GABRB3: variants seen among roughly 807,000 people sequenced by gnomAD.
The protein encoded by GABRB3 is gamma-aminobutyric acid receptor subunit beta-3.
Under a neutral mutation model 52.1 loss-of-function variants are expected in GABRB3, and 14 were observed. The observed-to-expected ratio is 0.27, with a 90% CI of 0.18 to 0.42. The LOEUF (loss-of-function observed/expected upper bound fraction) is 0.42. GABRB3 is among the 10% of genes least tolerant of loss of function. GABRB3 has a pLI of 1.00. For synonymous variants in GABRB3, 260 were observed against 232.3 expected (o/e 1.12, Z -1.08); for missense variants, 307 against 609.1 (o/e 0.50, Z 5.22).
chr15:26,731,772 C>A (rs1739942673), intron 3 of GABRB3, among the ~76,000 whole-genome samples: 1 of 152,164 alleles, frequency 6.6e-6, no homozygotes, highest in Non-Finnish European at 1.5e-5. Context: ...GAGTTGTGAA[C>A]ACGAAAAAGC....
intron 3 of GABRB3, among the ~76,000 whole-genome samples, chr15:26,716,208 C>T (rs540014582): frequency 2.2e-4 from 34 of 152,296 alleles, no homozygotes; most frequent in South Asian, 6.2e-4. Context: ...CAGCTCTCAG[C>T]AACTGAATGC....
At chr15:26,671,710 G>A (rs191774151) in intron 3 of GABRB3, among the ~76,000 whole-genome samples, 10 of 152,220 alleles carry the variant, frequency 6.6e-5, no homozygotes, top group Admixed American at 6.5e-4. Flanking sequence ...TCAATTTTAT[G>A]GTTGACATGT....
At chr15:26,752,236 T>A in intron 3 of GABRB3, among the ~76,000 whole-genome samples, 1 of 123,536 alleles carries the variant, frequency 8.1e-6, no homozygotes, top group East Asian at 2.1e-4. Flanking sequence ...TTATTTTATT[T>A]ATTTATTTAT....
chr15:26,747,740 T>C (rs184491660), intron 3 of GABRB3, among the ~76,000 whole-genome samples: 10 of 152,300 alleles, frequency 6.6e-5, no homozygotes, highest in Non-Finnish European at 1.5e-4. Context: ...TAAAATAAGA[T>C]AGGTGAAAGT....
intron 3 of GABRB3, chr15:26,628,902 G>A (rs1892816320): frequency 1.4e-6 from 2 of 1,404,028 alleles, no homozygotes; most frequent in African/African-American, 2.8e-5. Context: ...TCCGAGCTGG[G>A]AGGTGTGGGG....
At chr15:26,554,835 G>C (rs1054847198) in intron 8 of GABRB3, among the ~76,000 whole-genome samples, 3 of 152,188 alleles carry the variant, frequency 2.0e-5, no homozygotes, top group Non-Finnish European at 2.9e-5. Flanking sequence ...CAACTGCTTA[G>C]AGCAGGGAGT....
intron 4 of GABRB3, among the ~76,000 whole-genome samples, chr15:26,592,257 G>T (rs1485246224): frequency 6.6e-6 from 1 of 152,100 alleles, no homozygotes; most frequent in Non-Finnish European, 1.5e-5. Flanking sequence ...CGTAACAAAT[G>T]GATCACCTTA....
intron 3 of GABRB3, among the ~76,000 whole-genome samples, chr15:26,761,403 A>AT (rs1165865571): frequency 1.2e-4 from 18 of 151,986 alleles, no homozygotes; most frequent in Non-Finnish European, 1.5e-4. Context: ...TCAAAAAAAA[A>AT]AATACAATAT....
intron 3 of GABRB3, among the ~76,000 whole-genome samples, chr15:26,719,728 C>G (rs904064290): frequency 6.6e-6 from 1 of 152,158 alleles, no homozygotes; most frequent in African/African-American, 2.4e-5. Context: ...TAAGAATGGT[C>G]AGCTCTGAAT....
intron 6 of GABRB3, among the ~76,000 whole-genome samples, chr15:26,568,203 C>T (rs1022101189): frequency 1.3e-5 from 2 of 152,242 alleles, no homozygotes; most frequent in African/African-American, 4.8e-5. Flanking sequence ...ACTGGGCTAG[C>T]TCAGGGGCAC....
chr15:26,684,363 C>A (rs1888335127), intron 3 of GABRB3, among the ~76,000 whole-genome samples: 1 of 152,106 alleles, frequency 6.6e-6, no homozygotes, highest in Admixed American at 6.5e-5. Context: ...GGCGGTCAAT[C>A]TAGGTGAGGA....
At chr15:26,616,079 C>T in intron 4 of GABRB3, 1 of 1,289,090 alleles carries the variant, frequency 7.8e-7, no homozygotes, top group Non-Finnish European at 1.0e-6. Context: ...CAAAAAGATG[C>T]AATGCATTGT....
intron 3 of GABRB3, among the ~76,000 whole-genome samples, chr15:26,736,659 C>A (rs565757963): frequency 6.6e-6 from 1 of 152,238 alleles, no homozygotes; most frequent in Non-Finnish European, 1.5e-5. Context: ...GGGTGGGGTG[C>A]TGCAGGACAG....
chr15:26,628,693 A>AAAAAC (rs1218736545), intron 3 of GABRB3, among the ~76,000 whole-genome samples: 15 of 144,670 alleles, frequency 1.0e-4, no homozygotes, highest in Admixed American at 2.8e-4. Context: ...AAAAAAACAA[A>AAAAAC]AAAACAAAAC....
intron 3 of GABRB3, among the ~76,000 whole-genome samples, chr15:26,684,456 AATTTCTTTC>A (rs1888337836): frequency 1.3e-5 from 2 of 152,164 alleles, no homozygotes; most frequent in African/African-American, 4.8e-5. Context: ...TAGCATTTGC[AATTTCTTTC>A]AATAATGTTT....
At chr15:26,582,854 T>C (rs2033420) in intron 5 of GABRB3, among the ~76,000 whole-genome samples, 147,126 of 152,298 alleles carry the variant, frequency 0.97, 71,163 homozygotes, top group East Asian at 1. Flanking sequence ...ATGGATGCAG[T>C]TCTCATCTCT....
chr15:26,747,367 G>A (rs1890376356), intron 3 of GABRB3, among the ~76,000 whole-genome samples: 1 of 152,184 alleles, frequency 6.6e-6, no homozygotes, highest in Non-Finnish European at 1.5e-5. Flanking sequence ...AAAACGGGAA[G>A]TTTCTCCATT....
intron 3 of GABRB3, among the ~76,000 whole-genome samples, chr15:26,670,304 A>T (rs1887853244): frequency 6.6e-6 from 1 of 152,100 alleles, no homozygotes; most frequent in South Asian, 2.1e-4. Context: ...GGGGCCCGGG[A>T]CACAGTCTGC....
chr15:26,601,230 C>T lies in GABRB3; in HGVS notation c.462-17816G>A, dbSNP rs545104516. The stretch of plus-strand genomic sequence containing the variant: ...CCTGAGGTCGAGTTTGAAACCAGCC[C>T]GGCCAACATGGCAAAACCCGGTCCC... On this transcript the variant is annotated intron_variant, in intron 4 of 8. Transcript: ENST00000311550. 3.2e-4 allele frequency among the ~76,000 whole-genome samples: 48 copies of T among 152,072 alleles called. No homozygotes were observed. In the South Asian group the frequency reaches 9.4e-3, roughly 30 times the overall value.
Sources: allele counts gnomAD v4.1 joint callset (sites outside exome capture counted in the v4.1 genomes callset), GRCh38; gene constraint gnomAD v4.1.1; transcripts MANE v1.5; gene names NCBI Gene and HGNC (gene_info 2026-07-23, HGNC 2026-07-21).